PPP5C: variants seen among roughly 807,000 people sequenced by gnomAD.
PPP5C encodes serine/threonine-protein phosphatase 5.
PPP5C carries 21 observed loss-of-function variants against 66.7 expected under a neutral mutation model. The ratio of observed to expected loss-of-function variants is 0.31; its 90% CI spans 0.22 to 0.45. The LOEUF (loss-of-function observed/expected upper bound fraction) is 0.45, where lower values mean the gene tolerates loss of function less well. Ranked by LOEUF, PPP5C falls within the 20% of genes least tolerant of loss-of-function variation. PPP5C has a pLI of 1.00. For missense variants in PPP5C, 464 were observed against 675.9 expected, an observed-to-expected ratio of 0.69 and a Z score of 3.48; for synonymous variants, 246 against 257.4, an observed-to-expected ratio of 0.96 and a Z score of 0.43.
At chr19:46,347,887 G>C (rs1568561964) in intron 1 of PPP5C, among the ~76,000 whole-genome samples, 1 of 150,526 alleles carries the variant, frequency 6.6e-6, no homozygotes, top group Admixed American at 6.6e-5. Context: ...AGCAGTGAAT[G>C]AGACAGATGT....
At chr19:46,348,439 G>A (rs1204046267) in intron 1 of PPP5C, among the ~76,000 whole-genome samples, 10 of 150,770 alleles carry the variant, frequency 6.6e-5, no homozygotes, top group Non-Finnish European at 1.3e-4. Flanking sequence ...TCAGCCTCCC[G>A]AGTAGCTGGG....
chr19:46,364,381 C>T (rs1321663914), intron 2 of PPP5C, among the ~76,000 whole-genome samples: 1 of 152,032 alleles, frequency 6.6e-6, no homozygotes, highest in East Asian at 1.9e-4. Context: ...TTTGGGAGAC[C>T]GAGGCAGGAA....
chr19:46,384,099 A>G (rs1972842769), intron 6 of PPP5C: 1 of 555,436 alleles, frequency 1.8e-6, no homozygotes, highest in African/African-American at 1.9e-5. Flanking sequence ...CTGCTGTGTG[A>G]CCTAAGCTGG....
Position 46,383,077 on chromosome 19 carries a change from C to T in PPP5C, c.634-334C>T, listed in dbSNP as rs913851947. The T allele has an allele frequency of 1.6e-5, 18 of 1,136,108 alleles. No individual in the cohort carries two copies. Among genetic ancestry groups the T allele is most frequent in the Admixed American group, 3.5e-5 (1 of 28,618 alleles). 70.4% of individuals were successfully genotyped at this position (1,136,108 alleles called of 1,614,324 possible). A position where few individuals can be genotyped will look rare whatever the true frequency, so the allele number is the denominator to read the frequency against. On this transcript the variant is annotated intron_variant, in intron 4 of 12. Transcript: ENST00000012443. The surrounding 1 kb of genome is among the most constrained non-coding windows in gnomAD (Gnocchi z 5.0). ...AGACTCTTTTATGACAGTGACATTG[C>T]GCTGTGTCCAGGCCAGTTCTTTTAT...
At chr19:46,362,979 G>C (rs1972418227) in intron 2 of PPP5C, among the ~76,000 whole-genome samples, 1 of 150,082 alleles carries the variant, frequency 6.7e-6, no homozygotes, top group African/African-American at 2.4e-5. Context: ...AGTAGAGATG[G>C]GGTTTCACCG....
intron 2 of PPP5C, among the ~76,000 whole-genome samples, chr19:46,363,287 G>A (rs1972426265): frequency 1.3e-5 from 1 of 76,860 alleles, no homozygotes; most frequent in Non-Finnish European, 2.3e-5. Context: ...CAGCCTGGGC[G>A]ACAGAGCGAG....
intron 2 of PPP5C, among the ~76,000 whole-genome samples, chr19:46,371,570 A>G (rs1169301651): frequency 1.3e-5 from 2 of 152,180 alleles, no homozygotes; most frequent in African/African-American, 4.8e-5. Context: ...TCCCAGAGTC[A>G]GGCCATAAGC....
chr19:46,389,704 G>A (rs995981066), intron 11 of PPP5C, among the ~76,000 whole-genome samples: 7 of 151,958 alleles, frequency 4.6e-5, no homozygotes, highest in Non-Finnish European at 1.0e-4. Context: ...CCGTGGTGCC[G>A]TGTGACATGT....
At position 46,376,230 on chromosome 19, in the gene PPP5C, A is replaced by G. The variant is rs1292002926; in HGVS notation, c.512-223A>G. Among the ~76,000 whole-genome samples the G allele has an allele frequency of 1.3e-5, 2 of 152,182 alleles. No individual in the cohort carries two copies. Among genetic ancestry groups the G allele is most frequent in the South Asian group, 2.1e-4 (1 of 4,832 alleles). On this transcript the variant is annotated intron_variant, in intron 3 of 12. Coordinates refer to ENST00000012443, the MANE Select transcript of PPP5C (RefSeq NM_006247.4). This position sits in a 1 kb window ranked among gnomAD's most constrained non-coding sequence, Gnocchi z 5.1. ...CATGAAATGAATAGTGCTAAGTGCC[A>G]TAAAACTGAATAGAGTAAAGGGGGG...
At chr19:46,351,097 C>T (rs1464241206) in intron 1 of PPP5C, among the ~76,000 whole-genome samples, 3 of 152,170 alleles carry the variant, frequency 2.0e-5, no homozygotes, top group African/African-American at 7.2e-5. Context: ...GGGGCTTATG[C>T]TTAACCCCTA....
intron 7 of PPP5C, chr19:46,386,883 A>G (rs1788250229): frequency 1.5e-6 from 1 of 661,438 alleles, no homozygotes; most frequent in African/African-American, 1.8e-5. Flanking sequence ...TGCTGGAATT[A>G]TAGGCGTGAG....
chr19:46,376,382 G>T lies in PPP5C; in HGVS notation c.512-71G>T. 1 of 1,572,288 alleles carries T rather than the reference G, an allele frequency of 6.4e-7. No individual in the cohort carries two copies. The highest frequency in any genetic ancestry group is 1.2e-5 in the South Asian group (1 of 85,698). On this transcript the variant is annotated intron_variant, in intron 3 of 12. Coordinates refer to ENST00000012443, the MANE Select transcript of PPP5C (RefSeq NM_006247.4). This position sits in a 1 kb window ranked among gnomAD's most constrained non-coding sequence, Gnocchi z 5.1. ...CACACCCAAGTTTTCCCCATCCCTG[G>T]GAGCGAGACCCCCTTCTCCCTCATA...
In PPP5C at chr19:46,353,846, C is replaced by A; in HGVS notation, c.220C>A (p.Arg74Ser). 1 of 1,611,770 alleles carries A rather than the reference C, an allele frequency of 6.2e-7. No individual in the cohort carries two copies. Among genetic ancestry groups the A allele is most frequent in the Non-Finnish European group, 8.5e-7 (1 of 1,179,116 alleles). ...TGGCAACCGCAGCCTGGCCTACCTGCGCACTGAGTGCTATGGCTACGCGCT... is the reference window on the plus strand; with the variant it reads ...TGGCAACCGCAGCCTGGCCTACCTGAGCACTGAGTGCTATGGCTACGCGCT... ...YYGNRSLAYL[R>S]TECYGYALGD... Residue 74 changes from arginine to serine, a missense_variant, in exon 2 of 13, where the codon CGC (arginine) becomes AGC (serine). Transcript: ENST00000012443.
chr19:46,376,414 G>T lies in PPP5C; in HGVS notation c.512-39G>T, dbSNP rs755729670. On this transcript the variant is annotated intron_variant, in intron 3 of 12. Transcript: ENST00000012443. The surrounding 1 kb of genome is among the most constrained non-coding windows in gnomAD (Gnocchi z 5.1). ...GACCCCCTTCTCCCTCATAGTGGCTGTGGTCACTGACTCTCGTGTCCCGTT... is the reference window on the plus strand; with the variant it reads ...GACCCCCTTCTCCCTCATAGTGGCTTTGGTCACTGACTCTCGTGTCCCGTT... The T allele has an allele frequency of 6.2e-7, 1 of 1,607,384 alleles. No homozygotes were observed. The highest frequency in any genetic ancestry group is 1.7e-5 in the Admixed American group (1 of 59,744).
chr19:46,376,671 G>A lies in PPP5C; in HGVS notation c.633+97G>A, dbSNP rs565822096. The A allele has an allele frequency of 1.3e-4, 195 of 1,507,728 alleles. No individual in the cohort carries two copies. The African/African-American group carries it at 2.3e-3, about 18-fold the overall frequency. 93.4% of individuals were successfully genotyped at this position (1,507,728 alleles called of 1,614,324 possible). A position where few individuals can be genotyped will look rare whatever the true frequency, so the allele number is the denominator to read the frequency against. On this transcript the variant is annotated intron_variant, in intron 4 of 12. Coordinates refer to ENST00000012443, the MANE Select transcript of PPP5C (RefSeq NM_006247.4). This position sits in a 1 kb window ranked among gnomAD's most constrained non-coding sequence, Gnocchi z 5.1. ...CTGAGCAAAACGACAGGAGAAGGGC[G>A]GCCATGACAGCCAACACCAAACAGG...
chr19:46,389,058 T>C (rs567859130), intron 11 of PPP5C, among the ~76,000 whole-genome samples: 1 of 152,262 alleles, frequency 6.6e-6, no homozygotes, highest in South Asian at 2.1e-4. Flanking sequence ...GCATGGTGGC[T>C]CACGCCTATA....
Position 46,376,574 on chromosome 19 carries a change from G to C in PPP5C, c.633G>C (p.Gln211His). ...QKKLHRKCAY[Q>H]ILVQVKEVLS... ...AACTGCACCGGAAATGTGCCTACCA[G>C]GTAATGCATCTGTCAGGTACTGGGC... Residue 211 changes from glutamine to histidine, a missense_variant and splice_region_variant, in exon 4 of 13, where the codon CAG becomes CAC. Physicochemically the swap from Gln to His is conservative, Grantham distance 24 (BLOSUM62 0). Transcript: ENST00000012443. This position sits in a 1 kb window ranked among gnomAD's most constrained non-coding sequence, Gnocchi z 5.1. The C allele has an allele frequency of 6.2e-7, 1 of 1,613,378 alleles. No homozygotes were observed. The highest frequency in any genetic ancestry group is 1.1e-5 in the South Asian group (1 of 91,060).
intron 2 of PPP5C, among the ~76,000 whole-genome samples, chr19:46,373,747 G>T (rs947402614): frequency 6.6e-6 from 1 of 152,192 alleles, no homozygotes; most frequent in Non-Finnish European, 1.5e-5. Flanking sequence ...GGACAGACCG[G>T]TTCCGAACCA....
chr19:46,371,472 CTT>C (rs1175069816), intron 2 of PPP5C, among the ~76,000 whole-genome samples: 2 of 152,162 alleles, frequency 1.3e-5, no homozygotes, highest in Non-Finnish European at 2.9e-5. Flanking sequence ...TGGAGACTCT[CTT>C]TGTCCCTGGT....
Sources: gnomAD v4.1 joint callset for allele counts (sites outside exome capture counted in the v4.1 genomes callset) on GRCh38, gnomAD v4.1.1 for gene constraint, Gnocchi (gnomAD v3.1) non-coding constraint, MANE v1.5 for transcripts, NCBI Gene and HGNC (gene_info 2026-07-23, HGNC 2026-07-21) for gene names.